PEX3: variants seen among roughly 807,000 people sequenced by gnomAD.
The protein encoded by PEX3 is peroxisomal biogenesis factor 3.
In PEX3, 30 loss-of-function variants were observed where a neutral mutation model predicts 55.8. That is an observed-to-expected ratio of 0.54 (90% confidence interval 0.40 to 0.73). The LOEUF is 0.73. Among genes scored for constraint, PEX3 ranks in the 30% least tolerant of loss-of-function variants. PEX3 has a pLI of 0.00. For synonymous variants in PEX3, 135 were observed against 148.4 expected (o/e 0.91, Z 0.66); for missense variants, 351 against 432.8 (o/e 0.81, Z 1.68).
chr6:143,458,797 A>G lies in PEX3; in HGVS notation c.74-288A>G, dbSNP rs1350174123. Among the ~76,000 whole-genome samples the G allele has an allele frequency of 6.6e-6, 1 of 152,236 alleles. No homozygotes were observed. The highest frequency in any genetic ancestry group is 1.9e-4 in the East Asian group (1 of 5,200). On this transcript the variant is annotated intron_variant, in intron 1 of 11. Coordinates refer to ENST00000367591, the MANE Select transcript of PEX3 (RefSeq NM_003630.3). The surrounding 1 kb of genome is among the most constrained non-coding windows in gnomAD (Gnocchi z 6.1). Reference sequence around the variant, plus strand: ...AACAATTCTCCATTGCTGGACATGTAGAATATCTCTAGTCTACTAGTAAAG... The same window carrying G: ...AACAATTCTCCATTGCTGGACATGTGGAATATCTCTAGTCTACTAGTAAAG...
chr6:143,486,241 C>T lies in PEX3; in HGVS notation c.1038+993C>T, dbSNP rs1188764053. Among the ~76,000 whole-genome samples, 1 of 152,102 alleles carries T rather than the reference C, an allele frequency of 6.6e-6. No homozygotes were observed. Among genetic ancestry groups the T allele is most frequent in the Non-Finnish European group, 1.5e-5 (1 of 67,990 alleles). ...TGATCTCATTTTACTGAATGTTAAGCTTCACATCTATATCAATGTGAGAAA... is the reference window on the plus strand; with the variant it reads ...TGATCTCATTTTACTGAATGTTAAGTTTCACATCTATATCAATGTGAGAAA... On this transcript the variant is annotated intron_variant, in intron 11 of 11. Transcript: ENST00000367591. This position sits in a 1 kb window ranked among gnomAD's most constrained non-coding sequence, Gnocchi z 5.0.
chr6:143,481,016 C>T (rs141101977), intron 10 of PEX3, among the ~76,000 whole-genome samples: 69 of 150,750 alleles, frequency 4.6e-4, no homozygotes, highest in Admixed American at 7.9e-4. Flanking sequence ...CCCTGCCCCC[C>T]CAAAAAAAGA....
In PEX3 at chr6:143,471,488, T is replaced by A; in HGVS notation, c.523+39T>A. On this transcript the variant is annotated intron_variant, in intron 6 of 11. Transcript: ENST00000367591. The surrounding 1 kb of genome is among the most constrained non-coding windows in gnomAD (Gnocchi z 5.4). ...TTGTGACTTTTATACTAATTTTAAT[T>A]CATTTATTTTTATTATTGAGGAATT... The A allele has an allele frequency of 6.4e-7, 1 of 1,561,250 alleles. No homozygotes were observed. Among genetic ancestry groups the A allele is most frequent in the Non-Finnish European group, 8.8e-7 (1 of 1,133,222 alleles).
chr6:143,471,140 T>C lies in PEX3; in HGVS notation c.456+55T>C. 1 of 1,446,382 alleles carries C rather than the reference T, an allele frequency of 6.9e-7. No individual in the cohort carries two copies. Among genetic ancestry groups the C allele is most frequent in the Non-Finnish European group, 9.7e-7 (1 of 1,028,436 alleles). 89.6% of individuals were successfully genotyped at this position (1,446,382 alleles called of 1,614,324 possible). A position where few individuals can be genotyped will look rare whatever the true frequency, so the allele number is the denominator to read the frequency against. ...TTCTTTCCCTCAGGAGGTTCAAAGT[T>C]TAACTTATTTATCCTGATAACAATT... On this transcript the variant is annotated intron_variant, in intron 5 of 11. Transcript: ENST00000367591. This position sits in a 1 kb window ranked among gnomAD's most constrained non-coding sequence, Gnocchi z 5.4.
intron 4 of PEX3, 62 bp from the exon 5 acceptor site, chr6:143,470,899 G>T (rs1584010248): frequency 1.4e-6 from 2 of 1,464,824 alleles, no homozygotes; most frequent in East Asian, 2.3e-5. Context: ...CCTTAGGATG[G>T]TTCATGATTT....
Position 143,488,004 on chromosome 6 carries a change from C to T in PEX3, c.1039-1139C>T, listed in dbSNP as rs149832420. On this transcript the variant is annotated intron_variant, in intron 11 of 11. Coordinates refer to ENST00000367591, the MANE Select transcript of PEX3 (RefSeq NM_003630.3). The surrounding 1 kb of genome is among the most constrained non-coding windows in gnomAD (Gnocchi z 4.9). ...ATAGAAATCAAAACACAAAATTTCC[C>T]CTCAAATTCTTGGGCCCCTGAAAGT... Among the ~76,000 whole-genome samples the T allele has an allele frequency of 4.7e-3, 709 of 152,062 alleles. 4 individuals are homozygous for T. Among genetic ancestry groups the T allele is most frequent in the Non-Finnish European group, 8.2e-3 (555 of 67,944 alleles).
At chr6:143,468,203 AAT>A (rs1434288098) in intron 4 of PEX3, 38 bp downstream of exon 4, 1 of 1,354,030 alleles carries the variant, frequency 7.4e-7, no homozygotes, top group Admixed American at 1.7e-5. Flanking sequence ...ACATCCTTAA[AAT>A]ATTTATAAAG....
At chr6:143,473,352 C>G (rs1308180275) in intron 8 of PEX3, among the ~76,000 whole-genome samples, 1 of 152,104 alleles carries the variant, frequency 6.6e-6, no homozygotes, top group African/African-American at 2.4e-5. Context: ...CAGGAGACAA[C>G]TTACAAAATA....
rs1562653337 is a variant in PEX3, at chr6:143,466,833, A to G, written c.288-1289A>G. 6.6e-6 allele frequency among the ~76,000 whole-genome samples: 1 copy of G among 152,056 alleles called. No homozygotes were observed. The highest frequency in any genetic ancestry group is 6.6e-5 in the Admixed American group (1 of 15,258). ...CAATGGAAAGTTTAAGCATTTTTTA[A>G]GTCGTCATCTATGAAGAAGGGAGAA... On this transcript the variant is annotated intron_variant, in intron 3 of 11. Coordinates refer to ENST00000367591, the MANE Select transcript of PEX3 (RefSeq NM_003630.3). This position sits in a 1 kb window ranked among gnomAD's most constrained non-coding sequence, Gnocchi z 5.4.
intron 7 of PEX3, 94 bp from the exon 8 acceptor site, chr6:143,472,066 C>T: frequency 1.1e-6 from 1 of 873,454 alleles, no homozygotes; most frequent in Non-Finnish European, 1.9e-6. Flanking sequence ...GCAGAAGAAA[C>T]AGGATTTTAG....
Position 143,480,342 on chromosome 6 carries a change from G to T in PEX3, c.941+1144G>T, listed in dbSNP as rs73780416. ...CAAGTAGTGATACATAATTGTAATGGTTATTTTAACATAAATACTTGATTT... is the reference window on the plus strand; with the variant it reads ...CAAGTAGTGATACATAATTGTAATGTTTATTTTAACATAAATACTTGATTT... On this transcript the variant is annotated intron_variant, in intron 10 of 11. Transcript: ENST00000367591. Among the ~76,000 whole-genome samples, 291 of 152,204 alleles carry T rather than the reference G, an allele frequency of 1.9e-3. 2 individuals carry two copies. The highest frequency in any genetic ancestry group is 6.2e-3 in the African/African-American group (259 of 41,530).
chr6:143,455,066 A>G (rs1779824758), intron 1 of PEX3, among the ~76,000 whole-genome samples: 1 of 152,220 alleles, frequency 6.6e-6, no homozygotes, highest in Non-Finnish European at 1.5e-5. Flanking sequence ...TTTAGAGTGC[A>G]GTTCAAGAAT....
intron 8 of PEX3, among the ~76,000 whole-genome samples, chr6:143,474,082 G>A (rs1780114508): frequency 6.6e-6 from 1 of 151,962 alleles, no homozygotes; most frequent in African/African-American, 2.4e-5. Context: ...CCTAAGCTAT[G>A]ATCATGCCAC....
chr6:143,489,069 G>T lies in PEX3; in HGVS notation c.1039-74G>T. ...CACAAAACTTAGAGCTGAATTCATC[G>T]CTTGATTGCAGAAATTAATTCAAAT... On this transcript the variant is annotated intron_variant, in intron 11 of 11. Transcript: ENST00000367591. The surrounding 1 kb of genome is among the most constrained non-coding windows in gnomAD (Gnocchi z 5.5). 2 of 987,594 alleles carry T rather than the reference G, an allele frequency of 2.0e-6. No homozygotes were observed. The highest frequency in any genetic ancestry group is 2.6e-5 in the South Asian group (2 of 77,812). 61.2% of individuals were successfully genotyped at this position (987,594 alleles called of 1,614,324 possible).
At chr6:143,474,477 C>T (rs1395100705) in intron 8 of PEX3, among the ~76,000 whole-genome samples, 2 of 151,372 alleles carry the variant, frequency 1.3e-5, no homozygotes, top group Admixed American at 6.6e-5. Context: ...AAAAAAAAAC[C>T]CAGACCTCTG....
rs1310954323 is a variant in PEX3 at position 143,487,673 on chromosome 6, A to G, written c.1039-1470A>G. ...CAAAGTGAATGTGGACCTGTCTGCT[A>G]CTGTTCATGCTGTTGAGCATTCAGC... On this transcript the variant is annotated intron_variant, in intron 11 of 11. Coordinates refer to ENST00000367591, the MANE Select transcript of PEX3 (RefSeq NM_003630.3). This position sits in a 1 kb window ranked among gnomAD's most constrained non-coding sequence, Gnocchi z 5.3. Among the ~76,000 whole-genome samples the G allele has an allele frequency of 1.3e-5, 2 of 152,040 alleles. No homozygotes were observed. Among genetic ancestry groups the G allele is most frequent in the Non-Finnish European group, 2.9e-5 (2 of 67,958 alleles).
intron 8 of PEX3, among the ~76,000 whole-genome samples, chr6:143,472,746 C>A (rs1393572741): frequency 6.6e-6 from 1 of 152,132 alleles, no homozygotes; most frequent in African/African-American, 2.4e-5. Context: ...GATAACGAGT[C>A]TGAACTCCAA....
chr6:143,455,507 G>A (rs529432239), intron 1 of PEX3, among the ~76,000 whole-genome samples: 4 of 151,426 alleles, frequency 2.6e-5, no homozygotes, highest in Admixed American at 2.0e-4. Context: ...GAGCCACCGC[G>A]CCCTGCCCAT....
chr6:143,471,611 G>A lies in PEX3; in HGVS notation c.578G>A (p.Ser193Asn). 1 of 1,609,022 alleles carries A rather than the reference G, an allele frequency of 6.2e-7. No homozygotes were observed. Among genetic ancestry groups the A allele is most frequent in the Non-Finnish European group, 8.5e-7 (1 of 1,175,902 alleles). ...IKQAVQKVLG[S>N]VSLKHSLSLL... ...CAAGCTGTGCAGAAGGTTTTAGGAAGGTAAGGCATTTTTCTTTGACTTTTC... is the reference window on the plus strand; with the variant it reads ...CAAGCTGTGCAGAAGGTTTTAGGAAAGTAAGGCATTTTTCTTTGACTTTTC... Residue 193 changes from serine to asparagine, a missense_variant and splice_region_variant, in exon 7 of 12, where the codon AGT becomes AAT. Ser to Asn is a conservative substitution (Grantham distance 46). Transcript: ENST00000367591. The surrounding 1 kb of genome is among the most constrained non-coding windows in gnomAD (Gnocchi z 5.4).
Sources: allele counts gnomAD v4.1 joint callset (sites outside exome capture counted in the v4.1 genomes callset), GRCh38; gene constraint gnomAD v4.1.1; non-coding constraint Gnocchi (gnomAD v3.1); transcripts MANE v1.5; gene names NCBI Gene and HGNC (gene_info 2026-07-23, HGNC 2026-07-21).